NHSL1: variants seen among roughly 807,000 people sequenced by gnomAD.
The protein encoded by NHSL1 is NHS like 1, also known as NHS-like protein 1.
NHSL1 carries 48 observed loss-of-function variants against 95.0 expected under a neutral mutation model. The observed-to-expected ratio is 0.51, with a 90% CI of 0.40 to 0.64. The LOEUF is 0.64. NHSL1 is among the 30% of genes least tolerant of loss of function. The probability of loss-of-function intolerance (pLI) is 0.00; values close to 1 mark genes in which losing one functional copy is unlikely to be tolerated. For synonymous variants in NHSL1, 783 were observed against 833.9 expected (o/e 0.94, Z 1.05); for missense variants, 1,971 against 2,077.7 (o/e 0.95, Z 1.00).
chr6:138,595,111 C>G (rs372436133), intron 1 of NHSL1, among the ~76,000 whole-genome samples: 17 of 152,216 alleles, frequency 1.1e-4, no homozygotes, highest in African/African-American at 3.4e-4. Context: ...AGGGTGTAGG[C>G]CTCTGCAGGC....
rs188426738 is a variant in NHSL1 at position 138,632,523 on chromosome 6, A to G, written c.96+59953T>C. Among the ~76,000 whole-genome samples, 4 of 152,342 alleles carry G rather than the reference A, an allele frequency of 2.6e-5. No homozygotes were observed. The East Asian group carries it at 7.7e-4, about 29-fold the overall frequency. On this transcript the variant is annotated intron_variant, in intron 1 of 3. Transcript: ENST00000491526. ...CCCAACCAGGTGGCTCAGAACAGAA[A>G]GAGGAACCTTTTTTGGGAGAAAGGG...
chr6:138,610,551 AT>A (rs56692268), intron 1 of NHSL1, among the ~76,000 whole-genome samples: 109 of 100,206 alleles, frequency 1.1e-3, no homozygotes, highest in African/African-American at 8.3e-3. Context: ...ATAAAAAAAT[AT>A]ATATATATTA....
rs139660575 is a variant in NHSL1 at position 138,566,164 on chromosome 6, G to C, written c.202+5546C>G. Among the ~76,000 whole-genome samples, 1,317 of 152,266 alleles carry C rather than the reference G, an allele frequency of 8.6e-3. 20 individuals are homozygous for C. The highest frequency in any genetic ancestry group is 0.03 in the African/African-American group (1,263 of 41,550). On this transcript the variant is annotated intron_variant, in intron 1 of 6. Transcript: ENST00000427025. ...TGTAATCCCAACACTTTGGGAGGCTGAGGTGGGCGGATCACCTGAGGTCAG... is the reference window on the plus strand; with the variant it reads ...TGTAATCCCAACACTTTGGGAGGCTCAGGTGGGCGGATCACCTGAGGTCAG...
chr6:138,665,537 C>G lies in NHSL1; in HGVS notation c.96+26939G>C, dbSNP rs138726871. Reference sequence around the variant, plus strand: ...TTTACCAGCAATGCCCAGCACACTGCCTGACTCACAGTGCTGCTCAGCAAG... The same window carrying G: ...TTTACCAGCAATGCCCAGCACACTGGCTGACTCACAGTGCTGCTCAGCAAG... On this transcript the variant is annotated intron_variant, in intron 1 of 3. Transcript: ENST00000491526. Among the ~76,000 whole-genome samples the G allele has an allele frequency of 8.5e-5, 13 of 152,244 alleles. No individual in the cohort carries two copies. In the East Asian group the frequency reaches 2.3e-3, roughly 27 times the overall value.
At chr6:138,595,854 A>AC (rs1784296488) in intron 1 of NHSL1, among the ~76,000 whole-genome samples, 1 of 152,142 alleles carries the variant, frequency 6.6e-6, no homozygotes, top group Non-Finnish European at 1.5e-5. Context: ...TTGCCATGCC[A>AC]CCCTTGCACC....
At chr6:138,508,217 C>G (rs1408095128) in intron 1 of NHSL1, among the ~76,000 whole-genome samples, 1 of 152,116 alleles carries the variant, frequency 6.6e-6, no homozygotes, top group African/African-American at 2.4e-5. Flanking sequence ...ACAAAGGGAG[C>G]CCTGCTGACA....
intron 1 of NHSL1, among the ~76,000 whole-genome samples, chr6:138,601,957 G>A (rs895275179): frequency 1.3e-5 from 2 of 152,130 alleles, no homozygotes; most frequent in Admixed American, 6.5e-5. Flanking sequence ...CTATCAGACT[G>A]CAAACCTATA....
intron 1 of NHSL1, among the ~76,000 whole-genome samples, chr6:138,636,905 A>G (rs1264971965): frequency 6.6e-6 from 1 of 152,230 alleles, no homozygotes; most frequent in Non-Finnish European, 1.5e-5. Flanking sequence ...GAGATAGAAG[A>G]AACAATCCTA....
In NHSL1 at chr6:138,432,449, G is replaced by A. The variant is rs1170042279; in HGVS notation, c.1896C>T (p.Pro632=). The change falls in exon 6 of 8, where the codon CCC becomes CCT. Residue 632 remains proline, a synonymous_variant. Coordinates refer to ENST00000343505, the MANE Select transcript of NHSL1 (RefSeq NM_001144060.2). The surrounding 1 kb of genome is among the most constrained non-coding windows in gnomAD (Gnocchi z 4.4). Reference sequence around the variant, plus strand: ...CAAAAACATTGATCACGCTGTGCCTGGGGTTCCCAAAGCCATCACTGCTAT... The same window carrying A: ...CAAAAACATTGATCACGCTGTGCCTAGGGTTCCCAAAGCCATCACTGCTAT... The part of the protein sequence containing the change: ...LCNSSDGFGN[P]RHSVINVFVG... 2 of 1,552,338 alleles carry A rather than the reference G, an allele frequency of 1.3e-6. No homozygotes were observed. The highest frequency in any genetic ancestry group is 2.4e-5 in the East Asian group (1 of 40,920).
At chr6:138,653,486 G>A (rs752333458) in intron 1 of NHSL1, among the ~76,000 whole-genome samples, 9 of 152,040 alleles carry the variant, frequency 5.9e-5, no homozygotes, top group Admixed American at 5.9e-4. Flanking sequence ...CCCAGGAGGC[G>A]GAGATTGCAG....
At chr6:138,571,915 C>A in exon 1 of NHSL1, 5 of 1,551,048 alleles carry the variant, frequency 3.2e-6, no homozygotes, top group Non-Finnish European at 4.4e-6. Flanking sequence ...TTTTCATCTT[C>A]TTTTCAAAAT....
At chr6:138,527,428 A>T (rs1018361563) in intron 1 of NHSL1, among the ~76,000 whole-genome samples, 5 of 152,182 alleles carry the variant, frequency 3.3e-5, no homozygotes, top group African/African-American at 1.2e-4. Flanking sequence ...ATCTGAAGTG[A>T]CAAAAGAGTA....
chr6:138,432,707 C>T lies in NHSL1; in HGVS notation c.1638G>A (p.Gly546=), dbSNP rs2128201378. The T allele has an allele frequency of 6.4e-7, 1 of 1,551,550 alleles. No individual in the cohort carries two copies. The highest frequency in any genetic ancestry group is 2.4e-5 in the East Asian group (1 of 40,912). ...ATTCCCAGGGCTCCGAGCTGCTGTG[C>T]CCTCCGCCCCCTGAATAACTAGATT... The part of the protein sequence containing the change: ...KSESSYSGGG[G]HSSSEPWEYK... The change falls in exon 6 of 8, where the codon GGG becomes GGA. Residue 546 remains glycine, a synonymous_variant. Coordinates refer to ENST00000343505, the MANE Select transcript of NHSL1 (RefSeq NM_001144060.2). The surrounding 1 kb of genome is among the most constrained non-coding windows in gnomAD (Gnocchi z 4.4).
chr6:138,516,279 G>A (rs949443348), intron 1 of NHSL1, among the ~76,000 whole-genome samples: 3 of 152,166 alleles, frequency 2.0e-5, no homozygotes, highest in Admixed American at 2.0e-4. Context: ...TGCCAGCTTT[G>A]ACTGCGGCAG....
chr6:138,544,487 A>G (rs11968219), intron 1 of NHSL1, among the ~76,000 whole-genome samples: 5,200 of 152,186 alleles, frequency 0.034, 278 homozygotes, highest in African/African-American at 0.12. Flanking sequence ...AATATCCCAA[A>G]CACCAAGTTC....
At chr6:138,675,589 C>T (rs1200289754) in intron 1 of NHSL1, among the ~76,000 whole-genome samples, 5 of 152,086 alleles carry the variant, frequency 3.3e-5, no homozygotes, top group African/African-American at 1.2e-4. Context: ...GACTGGAGTG[C>T]AGTGGTGTGA....
intron 1 of NHSL1, among the ~76,000 whole-genome samples, chr6:138,669,033 A>G (rs1400532829): frequency 1.3e-5 from 2 of 152,222 alleles, no homozygotes; most frequent in African/African-American, 4.8e-5. Context: ...ATCTCAGAGT[A>G]AAACATTCCA....
intron 7 of NHSL1, among the ~76,000 whole-genome samples, chr6:138,427,878 G>A (rs1310880045): frequency 1.3e-5 from 2 of 152,178 alleles, no homozygotes; most frequent in Non-Finnish European, 2.9e-5. Context: ...TATTCTCAAC[G>A]CTACAACAGA....
intron 1 of NHSL1, chr6:138,512,186 C>A: frequency 2.4e-6 from 1 of 417,352 alleles, no homozygotes; most frequent in South Asian, 1.8e-5. Flanking sequence ...AAAATACCTG[C>A]ACTTTCCCAT....
Sources: allele counts gnomAD v4.1 joint callset (sites outside exome capture counted in the v4.1 genomes callset), GRCh38; gene constraint gnomAD v4.1.1; non-coding constraint Gnocchi (gnomAD v3.1); transcripts MANE v1.5; gene names NCBI Gene and HGNC (gene_info 2026-07-23, HGNC 2026-07-21).